GPHN: variants seen among roughly 807,000 people sequenced by gnomAD.
The protein encoded by GPHN is gephyrin.
In GPHN, 17 loss-of-function variants were observed where a neutral mutation model predicts 95.5. That is an observed-to-expected ratio of 0.18 (90% confidence interval 0.12 to 0.27). The LOEUF is 0.27. Ranked by LOEUF, GPHN falls within the 10% of genes least tolerant of loss-of-function variation. GPHN has a pLI of 1.00. For synonymous variants in GPHN, 320 were observed against 322.5 expected (o/e 0.99, Z 0.08); for missense variants, 660 against 978.1 (o/e 0.67, Z 4.34).
chr14:67,636,853 C>T, the GPHN span, among the ~76,000 whole-genome samples: 209 of 152,314 alleles, frequency 1.4e-3, no homozygotes, highest in African/African-American at 4.9e-3. Flanking sequence ...AAATTTCAGG[C>T]TCCTCTTGTC....
chr14:67,343,757 C>G, the GPHN span, among the ~76,000 whole-genome samples: 1 of 152,198 alleles, frequency 6.6e-6, no homozygotes, highest in Non-Finnish European at 1.5e-5. Context: ...GTAGTCCCAG[C>G]TGCTTGGTAA....
chr14:66,971,746 C>G (rs1279794835), intron 9 of GPHN, among the ~76,000 whole-genome samples: 2 of 152,168 alleles, frequency 1.3e-5, no homozygotes, highest in Non-Finnish European at 1.5e-5. Flanking sequence ...ATTGGTCTGT[C>G]TTGCACTTCA....
chr14:67,358,560 C>T, the GPHN span, among the ~76,000 whole-genome samples: 1 of 152,064 alleles, frequency 6.6e-6, no homozygotes, highest in Admixed American at 6.5e-5. Flanking sequence ...GAAAGCCAGG[C>T]GCGGTGGCTC....
intron 8 of GPHN, among the ~76,000 whole-genome samples, chr14:66,946,174 C>T (rs1490488815): frequency 6.6e-6 from 1 of 151,876 alleles, no homozygotes; most frequent in African/African-American, 2.4e-5. Flanking sequence ...TTTTTAAAAG[C>T]ATGAAAGGTA....
intron 1 of GPHN, among the ~76,000 whole-genome samples, chr14:66,515,424 A>G (rs997792620): frequency 3.9e-5 from 6 of 152,210 alleles, no homozygotes; most frequent in African/African-American, 1.4e-4. Flanking sequence ...TTCTGGTAAT[A>G]GGATGATATT....
chr14:67,383,794 A>G, the GPHN span: 2 of 295,276 alleles, frequency 6.8e-6, no homozygotes, highest in Admixed American at 9.3e-5. Flanking sequence ...ATCCAAGGCA[A>G]ACAATCCCAA....
At chr14:67,214,916 C>G in the GPHN span, among the ~76,000 whole-genome samples, 27 of 152,004 alleles carry the variant, frequency 1.8e-4, no homozygotes, top group African/African-American at 6.0e-4. Flanking sequence ...GTATTTTATT[C>G]CCTTTGAAGC....
At chr14:67,582,295 T>C in the GPHN span, 12 of 1,598,814 alleles carry the variant, frequency 7.5e-6, no homozygotes, top group Non-Finnish European at 1.0e-5. The surrounding 1 kb of genome is among the most constrained non-coding windows in gnomAD (Gnocchi z 5.0). Context: ...GGAGAGATTC[T>C]GCAGATCCTG....
chr14:67,573,980 A>G, the GPHN span: 2 of 916,552 alleles, frequency 2.2e-6, no homozygotes, highest in Admixed American at 3.7e-5. The surrounding 1 kb of genome is among the most constrained non-coding windows in gnomAD (Gnocchi z 4.8). Flanking sequence ...CCAAATGAGC[A>G]TGAATGAAAG....
chr14:67,579,168 C>T, the GPHN span: 9 of 1,605,750 alleles, frequency 5.6e-6, no homozygotes, highest in Non-Finnish European at 7.6e-6. Flanking sequence ...CTACTGCCAG[C>T]GGGCAGTGGA....
chr14:66,511,253 A>G (rs1238708734), intron 1 of GPHN, among the ~76,000 whole-genome samples: 1 of 152,102 alleles, frequency 6.6e-6, no homozygotes, highest in Admixed American at 6.5e-5. Flanking sequence ...GTATTCTAGA[A>G]CTTGAGGTTT....
chr14:66,911,395 A>G (rs1001927892), intron 5 of GPHN, among the ~76,000 whole-genome samples: 1 of 151,978 alleles, frequency 6.6e-6, no homozygotes, highest in Non-Finnish European at 1.5e-5. Flanking sequence ...ATTGAATTGT[A>G]TCCTTTAAAT....
chr14:66,818,939 T>G (rs186488615), intron 3 of GPHN, among the ~76,000 whole-genome samples: 40 of 152,318 alleles, frequency 2.6e-4, no homozygotes, highest in Non-Finnish European at 4.4e-5. Flanking sequence ...TTAATGGGTT[T>G]TTTCCCTGTA....
chr14:66,761,809 A>G (rs954690367), intron 2 of GPHN, among the ~76,000 whole-genome samples: 2 of 151,650 alleles, frequency 1.3e-5, no homozygotes, highest in African/African-American at 4.8e-5. Context: ...ACAGGCACCC[A>G]CCACCACTCC....
At chr14:67,163,866 C>T (rs1567432100) in intron 19 of GPHN, among the ~76,000 whole-genome samples, 6 of 151,784 alleles carry the variant, frequency 4.0e-5, no homozygotes, top group African/African-American at 1.5e-4. Context: ...AAAAAAAACA[C>T]TATTCTCAAC....
the GPHN span, chr14:67,557,500 C>G: frequency 7.3e-7 from 1 of 1,372,380 alleles, no homozygotes; most frequent in Non-Finnish European, 1.0e-6. Context: ...CTGTTCCGCT[C>G]AAGCCCTCTA....
chr14:67,528,096 CAGAT>C, the GPHN span, among the ~76,000 whole-genome samples: 2 of 152,138 alleles, frequency 1.3e-5, no homozygotes, highest in East Asian at 1.9e-4. Flanking sequence ...GGTGGGGACT[CAGAT>C]AGATTGGAGT....
chr14:66,680,225 C>G (rs78969404), intron 1 of GPHN, among the ~76,000 whole-genome samples: 1 of 152,084 alleles, frequency 6.6e-6, no homozygotes, highest in Non-Finnish European at 1.5e-5. Flanking sequence ...GGAGATTTTA[C>G]TCTACCTTTC....
intron 17 of GPHN, among the ~76,000 whole-genome samples, chr14:67,141,475 T>G (rs1433633270): frequency 6.6e-6 from 1 of 152,238 alleles, no homozygotes; most frequent in African/African-American, 2.4e-5. Flanking sequence ...GACATATGAC[T>G]TTCTTGAAAA....
Sources: allele counts gnomAD v4.1 joint callset (sites outside exome capture counted in the v4.1 genomes callset), GRCh38; gene constraint gnomAD v4.1.1; non-coding constraint Gnocchi (gnomAD v3.1); transcripts MANE v1.5; gene names NCBI Gene and HGNC (gene_info 2026-07-23, HGNC 2026-07-21).